The following ZMAT4 variants were observed in gnomAD, a reference collection of about 807,000 sequenced individuals.
ZMAT4 encodes the protein zinc finger matrin-type 4.
ZMAT4 carries 17 observed loss-of-function variants against 28.7 expected under a neutral mutation model. The observed-to-expected ratio is 0.59, with a 90% CI of 0.41 to 0.89. ZMAT4 has a LOEUF of 0.89. ZMAT4 is among the 40% of genes least tolerant of loss of function. The pLI, the probability that ZMAT4 is intolerant of heterozygous loss-of-function variation, is 0.00. For missense variants in ZMAT4, 240 were observed against 283.8 expected, an observed-to-expected ratio of 0.85 and a Z score of 1.11; for synonymous variants, 117 against 109.2, an observed-to-expected ratio of 1.07 and a Z score of -0.44.
chr8:40,882,716 C>G (rs185213142), intron 1 of ZMAT4, among the ~76,000 whole-genome samples: 4 of 152,216 alleles, frequency 2.6e-5, no homozygotes, highest in Non-Finnish European at 4.4e-5. Context: ...CTAATCCCCC[C>G]CCATGAGACA....
chr8:40,887,695 A>G (rs1818511961), intron 1 of ZMAT4, among the ~76,000 whole-genome samples: 1 of 152,082 alleles, frequency 6.6e-6, no homozygotes, highest in African/African-American at 2.4e-5. Flanking sequence ...AACAGGAACA[A>G]AACCCAGAGA....
rs960498159 is a variant in ZMAT4, at chr8:40,702,536, A to G, written c.193-5135T>C. ...GTTAAAAAGTTTTCAGAAGAATTCA[A>G]TCAGGATGGAAAACCTCACTGACTG... On this transcript the variant is annotated intron_variant, in intron 3 of 6. Coordinates refer to ENST00000297737, the MANE Select transcript of ZMAT4 (RefSeq NM_024645.3). Among the ~76,000 whole-genome samples the G allele has an allele frequency of 1.9e-4, 29 of 152,348 alleles. 1 individual carries two copies. Among genetic ancestry groups the G allele is most frequent in the African/African-American group, 6.3e-4 (26 of 41,582 alleles).
chr8:40,838,836 C>T (rs866285931), intron 1 of ZMAT4, among the ~76,000 whole-genome samples: 23 of 151,904 alleles, frequency 1.5e-4, no homozygotes, highest in African/African-American at 5.1e-4. Flanking sequence ...AATAAAGGGG[C>T]GGGACATGAA....
chr8:40,720,641 C>T (rs574050242), intron 3 of ZMAT4, among the ~76,000 whole-genome samples: 2 of 151,184 alleles, frequency 1.3e-5, no homozygotes, highest in East Asian at 3.9e-4. Context: ...AATTCTCCTG[C>T]CTCAGCCTCC....
At chr8:40,864,423 A>T (rs1817606210) in intron 1 of ZMAT4, among the ~76,000 whole-genome samples, 1 of 152,358 alleles carries the variant, frequency 6.6e-6, no homozygotes, top group South Asian at 2.1e-4. Flanking sequence ...GTGTCACGCA[A>T]GATGGTCTGA....
chr8:40,718,164 A>T (rs1461047919), intron 3 of ZMAT4, among the ~76,000 whole-genome samples: 1 of 152,212 alleles, frequency 6.6e-6, no homozygotes, highest in Non-Finnish European at 1.5e-5. Context: ...CCACTTATAA[A>T]TAGCTGTTAA....
chr8:40,592,348 G>T (rs1009970206), intron 5 of ZMAT4, among the ~76,000 whole-genome samples: 1 of 152,188 alleles, frequency 6.6e-6, no homozygotes, highest in Non-Finnish European at 1.5e-5. Flanking sequence ...CACAGCCCTA[G>T]TTAAAGAGCC....
chr8:40,821,354 T>C (rs970514985), intron 2 of ZMAT4, among the ~76,000 whole-genome samples: 1 of 152,206 alleles, frequency 6.6e-6, no homozygotes, highest in African/African-American at 2.4e-5. Context: ...CTACTTGTTC[T>C]GTTGACTCAG....
chr8:40,811,306 G>C (rs778864293), intron 2 of ZMAT4, among the ~76,000 whole-genome samples: 1 of 152,176 alleles, frequency 6.6e-6, no homozygotes, highest in Non-Finnish European at 1.5e-5. Flanking sequence ...CTTCACAACT[G>C]TGACCCCCAG....
chr8:40,673,292 C>G (rs1808761435), intron 5 of ZMAT4, among the ~76,000 whole-genome samples: 1 of 152,154 alleles, frequency 6.6e-6, no homozygotes, highest in African/African-American at 2.4e-5. Flanking sequence ...ACCTGTCCCT[C>G]CTCTCAACTC....
intron 5 of ZMAT4, among the ~76,000 whole-genome samples, chr8:40,627,266 G>T (rs1396270707): frequency 2.0e-5 from 3 of 152,156 alleles, no homozygotes; most frequent in Admixed American, 2.0e-4. Flanking sequence ...AGCACACTAA[G>T]AATGTATCAT....
intron 2 of ZMAT4, among the ~76,000 whole-genome samples, chr8:40,803,761 CA>C (rs766208498): frequency 6.6e-6 from 1 of 151,986 alleles, no homozygotes; most frequent in African/African-American, 2.4e-5. Context: ...CTTGTGCCCA[CA>C]AAAAAAGCCT....
chr8:40,884,036 T>C (rs944782949), intron 1 of ZMAT4, among the ~76,000 whole-genome samples: 5 of 152,184 alleles, frequency 3.3e-5, no homozygotes, highest in Non-Finnish European at 7.3e-5. Flanking sequence ...CTCTCTGTCA[T>C]TGTCTGGCAT....
intron 5 of ZMAT4, among the ~76,000 whole-genome samples, chr8:40,620,037 A>G (rs1403106044): frequency 6.6e-6 from 1 of 152,234 alleles, no homozygotes; most frequent in Non-Finnish European, 1.5e-5. Flanking sequence ...TCTCAGCCAA[A>G]TAAAATCTTA....
chr8:40,862,033 C>T (rs773586601), intron 1 of ZMAT4, among the ~76,000 whole-genome samples: 35 of 152,176 alleles, frequency 2.3e-4, no homozygotes, highest in Non-Finnish European at 4.0e-4. Flanking sequence ...GGATCTAGAA[C>T]TAGAAATACC....
rs191694011 is a variant in ZMAT4, at chr8:40,861,666, C to G, written c.-4-35986G>C. ...AATGGGAGAAAGTTTTTGCAATCTA[C>G]TCATCTGACAAAGAGCTAATATCCA... On this transcript the variant is annotated intron_variant, in intron 1 of 6. Coordinates refer to ENST00000297737, the MANE Select transcript of ZMAT4 (RefSeq NM_024645.3). Among the ~76,000 whole-genome samples, 35 of 152,270 alleles carry G rather than the reference C, an allele frequency of 2.3e-4. No homozygotes were observed. The East Asian group carries it at 6.8e-3, about 29-fold the overall frequency.
intron 6 of ZMAT4, among the ~76,000 whole-genome samples, chr8:40,536,528 C>A (rs182501904): frequency 6.6e-6 from 1 of 152,178 alleles, no homozygotes; most frequent in Non-Finnish European, 1.5e-5. Context: ...GTCTTTTACT[C>A]ATTATTCCTT....
chr8:40,810,362 A>G (rs551548558), intron 2 of ZMAT4, among the ~76,000 whole-genome samples: 69 of 152,336 alleles, frequency 4.5e-4, no homozygotes, highest in Middle Eastern at 3.4e-3. Context: ...TAAATACAGT[A>G]AAGACTGACC....
At chr8:40,859,408 T>C (rs1817410525) in intron 1 of ZMAT4, among the ~76,000 whole-genome samples, 1 of 152,108 alleles carries the variant, frequency 6.6e-6, no homozygotes, top group African/African-American at 2.4e-5. Flanking sequence ...AACCCAAATC[T>C]TCAATCCCTC....
Sources: gnomAD v4.1 joint callset for allele counts (sites outside exome capture counted in the v4.1 genomes callset) on GRCh38, gnomAD v4.1.1 for gene constraint, MANE v1.5 for transcripts, NCBI Gene and HGNC (gene_info 2026-07-23, HGNC 2026-07-21) for gene names.